The following ZDHHC11B variants were observed in gnomAD, a reference collection of about 807,000 sequenced individuals.
ZDHHC11B encodes the protein zDHHC palmitoyltransferase 11B (putative).
ZDHHC11B carries 17 observed loss-of-function variants against 42.3 expected under a neutral mutation model. The observed-to-expected ratio is 0.40, with a 90% CI of 0.27 to 0.60. The LOEUF (loss-of-function observed/expected upper bound fraction) is 0.60, where lower values mean the gene tolerates loss of function less well. Ranked by LOEUF, ZDHHC11B falls within the 20% of genes least tolerant of loss-of-function variation. The probability of loss-of-function intolerance (pLI) is 0.41; values close to 1 mark genes in which losing one functional copy is unlikely to be tolerated. For missense variants in ZDHHC11B, 262 were observed against 463.2 expected (o/e 0.57, Z 3.99); for synonymous variants, 123 against 193.5 (o/e 0.64, Z 3.02).
At chr5:769,922 G>A (rs1386313362) in intron 1 of ZDHHC11B, among the ~76,000 whole-genome samples, 1 of 151,992 alleles carries the variant, frequency 6.6e-6, no homozygotes, top group Non-Finnish European at 1.5e-5. Flanking sequence ...CTCGAGTCCC[G>A]CTGCTCCCAA....
At chr5:758,610 G>A (rs1372248614) in intron 4 of ZDHHC11B, among the ~76,000 whole-genome samples, 7 of 151,688 alleles carry the variant, frequency 4.6e-5, no homozygotes, top group African/African-American at 1.7e-4. Flanking sequence ...AAACCTGCAG[G>A]CGCCATGGCC....
At chr5:746,888 A>ACATGTGGATGAGAC (rs1744906963) in intron 8 of ZDHHC11B, among the ~76,000 whole-genome samples, 1 of 126,446 alleles carries the variant, frequency 7.9e-6, no homozygotes, top group Admixed American at 9.3e-5. Flanking sequence ...AATCTGCGGC[A>ACATGTGGATGAGAC]CATGTGGATG....
chr5:774,268 G>C (rs1411929080), intron 1 of ZDHHC11B, among the ~76,000 whole-genome samples: 16 of 152,130 alleles, frequency 1.1e-4, no homozygotes, highest in Non-Finnish European at 7.4e-5. Context: ...AAACCTGCCA[G>C]AACAGAATTG....
chr5:757,455 G>A (rs540175822), intron 4 of ZDHHC11B, among the ~76,000 whole-genome samples: 6 of 152,014 alleles, frequency 3.9e-5, no homozygotes, highest in East Asian at 1.9e-4. Context: ...CTCAGGCAAC[G>A]TTGGGACAGG....
intron 4 of ZDHHC11B, among the ~76,000 whole-genome samples, chr5:766,059 G>A (rs10475375): frequency 6.6e-6 from 1 of 151,878 alleles, no homozygotes; most frequent in Non-Finnish European, 1.5e-5. Context: ...TGACCCTAGG[G>A]GGCCTGGGGT....
At chr5:751,764 G>C (rs1365176559) in intron 6 of ZDHHC11B, among the ~76,000 whole-genome samples, 1 of 125,432 alleles carries the variant, frequency 8.0e-6, no homozygotes, top group African/African-American at 2.6e-5. Context: ...AGGTCTCCAG[G>C]CCTCTCGCTG....
chr5:749,223 A>C (rs1745281284), intron 7 of ZDHHC11B, among the ~76,000 whole-genome samples: 1 of 130,044 alleles, frequency 7.7e-6, no homozygotes, highest in Non-Finnish European at 1.7e-5. Context: ...AGCCGCCTTC[A>C]AATAGAACAG....
In ZDHHC11B at chr5:754,407, G is replaced by T. The variant is rs1158738465; in HGVS notation, c.503+591C>A. ...ATCCTTGTGCCTCCACCATGCTCAG[G>T]AGAAACACCTCTCGCCTGTGAGCCT... is the stretch of plus-strand genomic sequence containing the variant. On this transcript the variant is annotated intron_variant, in intron 6 of 13. Coordinates refer to ENST00000508859, the MANE Select transcript of ZDHHC11B (RefSeq NM_001351303.2). 1.5e-5 allele frequency among the ~76,000 whole-genome samples: 2 copies of T among 129,284 alleles called. 1 individual carries two copies. The highest frequency in any genetic ancestry group is 3.4e-5 in the Non-Finnish European group (2 of 58,290). The allele number at this position is 129,284 out of a possible 152,430, so 84.8% of individuals were successfully genotyped here.
chr5:715,652 C>T (rs421101), intron 13 of ZDHHC11B, among the ~76,000 whole-genome samples: 19,303 of 150,204 alleles, frequency 0.13, 1,645 homozygotes, highest in Non-Finnish European at 0.19. Context: ...ATGAAGACCC[C>T]GTGCTATGCA....
rs1351728589 is a variant in ZDHHC11B at position 743,508 on chromosome 5, T to A, written c.900+1675A>T. On this transcript the variant is annotated intron_variant, in intron 9 of 13. Coordinates refer to ENST00000508859, the MANE Select transcript of ZDHHC11B (RefSeq NM_001351303.2). The stretch of plus-strand genomic sequence containing the variant: ...TCTGTAGATAAGTTTTGGGGAAAAT[T>A]GCCCTTTTAATAGTATTTTTTTCCA... 2.4e-4 allele frequency among the ~76,000 whole-genome samples: 35 copies of A among 148,680 alleles called. 2 individuals carry two copies. Among genetic ancestry groups the A allele is most frequent in the East Asian group, 1.5e-3 (7 of 4,774 alleles).
At position 756,777 on chromosome 5, in the gene ZDHHC11B, G is replaced by A. The variant is rs1327099741; in HGVS notation, c.223-633C>T. On this transcript the variant is annotated intron_variant, in intron 4 of 13. Coordinates refer to ENST00000508859, the MANE Select transcript of ZDHHC11B (RefSeq NM_001351303.2). Reference sequence around the variant, plus strand: ...GAGGAGCAGGGGGAGGAGCGAGGGAGCTGCACAACCTACCCGCTCCCTCTA... The same window carrying A: ...GAGGAGCAGGGGGAGGAGCGAGGGAACTGCACAACCTACCCGCTCCCTCTA... Among the ~76,000 whole-genome samples the A allele has an allele frequency of 1.3e-5, 2 of 151,646 alleles. 1 individual carries two copies. Among genetic ancestry groups the A allele is most frequent in the Non-Finnish European group, 2.9e-5 (2 of 67,828 alleles).
intron 7 of ZDHHC11B, among the ~76,000 whole-genome samples, chr5:748,918 C>G (rs11741048): frequency 0.23 from 13,905 of 61,252 alleles, 1,296 homozygotes; most frequent in Middle Eastern, 0.33. Context: ...GGGGTCACAG[C>G]GCCCACCCCT....
chr5:726,733 T>G (rs1742633698), intron 12 of ZDHHC11B, among the ~76,000 whole-genome samples: 1 of 103,738 alleles, frequency 9.6e-6, no homozygotes, highest in African/African-American at 4.1e-5. Flanking sequence ...CATTGGTGGG[T>G]GGGGGGACTG....
chr5:770,812 A>C (rs1166821613), intron 1 of ZDHHC11B, among the ~76,000 whole-genome samples: 1 of 151,924 alleles, frequency 6.6e-6, no homozygotes, highest in Non-Finnish European at 1.5e-5. Context: ...GTCAGGGTGC[A>C]GGGATGCCCT....
chr5:719,253 A>G (rs547464029), intron 12 of ZDHHC11B, among the ~76,000 whole-genome samples: 1 of 151,842 alleles, frequency 6.6e-6, no homozygotes, highest in African/African-American at 2.4e-5. Flanking sequence ...CCAGTTTTTA[A>G]CAAAAAAAGA....
Position 748,541 on chromosome 5 carries a change from G to C in ZDHHC11B, c.647C>G (p.Thr216Arg). 1 of 1,364,628 alleles carries C rather than the reference G, an allele frequency of 7.3e-7. No homozygotes were observed. The highest frequency in any genetic ancestry group is 1.4e-5 in the African/African-American group (1 of 72,238). 84.5% of individuals were successfully genotyped at this position (1,364,628 alleles called of 1,614,324 possible). A position where few individuals can be genotyped will look rare whatever the true frequency, so the allele number is the denominator to read the frequency against. Residue 216 changes from threonine to arginine, a missense_variant, in exon 8 of 14, where the codon ACG becomes AGG. Physicochemically the swap from Thr to Arg is moderately conservative, Grantham distance 71. Transcript: ENST00000508859. ...PRYEDVKNMN[T>R]WLLFLPLFPV... Reference sequence around the variant, plus strand: ...GAACAGGGGGAGGAACAGCAGCCACGTGTTCATATTCTTGACATCTGGGGA... The same window carrying C: ...GAACAGGGGGAGGAACAGCAGCCACCTGTTCATATTCTTGACATCTGGGGA...
At chr5:717,483 G>A (rs1215149703) in intron 12 of ZDHHC11B, among the ~76,000 whole-genome samples, 94 of 151,618 alleles carry the variant, frequency 6.2e-4, no homozygotes, top group African/African-American at 1.9e-3. Flanking sequence ...GACCAGAAAC[G>A]CGCAAAATTT....
chr5:771,440 G>C (rs2150233236), intron 1 of ZDHHC11B, among the ~76,000 whole-genome samples: 1 of 151,488 alleles, frequency 6.6e-6, no homozygotes, highest in East Asian at 2.0e-4. Context: ...GTGGGGGCTG[G>C]GCCGCATGGG....
chr5:780,114 C>T (rs1267223209), intron 1 of ZDHHC11B, among the ~76,000 whole-genome samples: 2 of 149,178 alleles, frequency 1.3e-5, no homozygotes, highest in African/African-American at 2.5e-5. Flanking sequence ...TGGCTAGTGC[C>T]GGCAAGGATG....
Sources: gnomAD v4.1 joint callset for allele counts (sites outside exome capture counted in the v4.1 genomes callset) on GRCh38, gnomAD v4.1.1 for gene constraint, MANE v1.5 for transcripts, NCBI Gene and HGNC (gene_info 2026-07-23, HGNC 2026-07-21) for gene names.